The following HMBOX1 variants were observed in gnomAD, a reference collection of about 807,000 sequenced individuals.
HMBOX1 encodes the protein homeobox containing 1.
In HMBOX1, 14 loss-of-function variants were observed where a neutral mutation model predicts 54.5. That is an observed-to-expected ratio of 0.26 (90% confidence interval 0.17 to 0.40). The LOEUF is 0.40. Ranked by LOEUF, HMBOX1 falls within the 10% of genes least tolerant of loss-of-function variation. The pLI, the probability that HMBOX1 is intolerant of heterozygous loss-of-function variation, is 1.00. For missense variants in HMBOX1, 332 were observed against 514.4 expected, an observed-to-expected ratio of 0.65 and a Z score of 3.43; for synonymous variants, 160 against 181.0, an observed-to-expected ratio of 0.88 and a Z score of 0.93.
At chr8:28,993,799 T>C (rs1280667260) in intron 4 of HMBOX1, among the ~76,000 whole-genome samples, 1 of 152,210 alleles carries the variant, frequency 6.6e-6, no homozygotes, top group Non-Finnish European at 1.5e-5. Flanking sequence ...CAGGATTTTG[T>C]TGTTTTTGTC....
intron 3 of HMBOX1, among the ~76,000 whole-genome samples, chr8:28,972,831 C>A (rs1290090737): frequency 6.6e-6 from 1 of 152,110 alleles, no homozygotes; most frequent in African/African-American, 2.4e-5. Context: ...AAATGAAAAC[C>A]TATTTAGCAG....
chr8:29,037,410 A>C (rs1473612062), intron 6 of HMBOX1, among the ~76,000 whole-genome samples: 1 of 152,204 alleles, frequency 6.6e-6, no homozygotes, highest in Non-Finnish European at 1.5e-5. Flanking sequence ...CTTTATTTTC[A>C]AATAATGCTT....
intron 3 of HMBOX1, among the ~76,000 whole-genome samples, chr8:28,979,468 C>A (rs982780529): frequency 1.3e-5 from 2 of 152,096 alleles, no homozygotes; most frequent in Non-Finnish European, 2.9e-5. Context: ...CTTTTTAGTA[C>A]TAAAACTTTA....
chr8:29,019,114 T>A (rs998702668), intron 6 of HMBOX1, among the ~76,000 whole-genome samples: 13 of 152,322 alleles, frequency 8.5e-5, no homozygotes, highest in African/African-American at 3.1e-4. Flanking sequence ...GGAGTTAGCA[T>A]CTGTCAATTT....
At chr8:29,031,790 C>T (rs1803010143) in intron 6 of HMBOX1, among the ~76,000 whole-genome samples, 1 of 152,170 alleles carries the variant, frequency 6.6e-6, no homozygotes, top group Non-Finnish European at 1.5e-5. Context: ...CTAGCCCTGG[C>T]AGGCTCAGTC....
At chr8:28,944,336 T>A (rs1822015478) in intron 1 of HMBOX1, among the ~76,000 whole-genome samples, 1 of 152,208 alleles carries the variant, frequency 6.6e-6, no homozygotes, top group Admixed American at 6.5e-5. Context: ...ATACAGACAT[T>A]TGTTATGTTC....
chr8:28,953,979 C>T (rs1823968337), intron 1 of HMBOX1, among the ~76,000 whole-genome samples: 1 of 152,132 alleles, frequency 6.6e-6, no homozygotes, highest in East Asian at 1.9e-4. Flanking sequence ...TATCTTTGGT[C>T]AGTAGCACTG....
chr8:28,980,027 T>A, intron 3 of HMBOX1, 44 bp from the exon 4 acceptor site: 1 of 1,387,682 alleles, frequency 7.2e-7, no homozygotes, highest in Non-Finnish European at 1.0e-6. Context: ...TGAGGATTTC[T>A]ACCTTCAACA....
At position 28,960,780 on chromosome 8, in the gene HMBOX1, T is replaced by TTTTTTTTTTTTTTTTTTTG. The variant is rs1563473055; in HGVS notation, c.-57-3013_-57-3012insGTTTTTTTTTTTTTTTTTT. Among the ~76,000 whole-genome samples the TTTTTTTTTTTTTTTTTTTG allele has an allele frequency of 4.6e-5, 2 of 43,386 alleles. 1 individual carries two copies. Among genetic ancestry groups the TTTTTTTTTTTTTTTTTTTG allele is most frequent in the Non-Finnish European group, 1.0e-4 (2 of 19,894 alleles). 28.5% of individuals were successfully genotyped at this position (43,386 alleles called of 152,430 possible). A position where few individuals can be genotyped will look rare whatever the true frequency, so the allele number is the denominator to read the frequency against. On this transcript the variant is annotated intron_variant, in intron 1 of 9. Transcript: ENST00000287701. ...TTTTCTTTTTCTTTTTTTTTTTTTT[T>TTTTTTTTTTTTTTTTTTTG]TTTTTTTTTTTTTTTTTTTTTTTTG...
At chr8:28,897,546 C>T (rs1812391583) in intron 1 of HMBOX1, among the ~76,000 whole-genome samples, 1 of 152,076 alleles carries the variant, frequency 6.6e-6, no homozygotes, top group South Asian at 2.1e-4. Context: ...CGTGGTGGCA[C>T]ACACCTGTAC....
intron 6 of HMBOX1, among the ~76,000 whole-genome samples, chr8:29,028,304 T>C (rs1802391298): frequency 6.6e-6 from 1 of 152,222 alleles, no homozygotes; most frequent in Non-Finnish European, 1.5e-5. Flanking sequence ...ACCTGACATG[T>C]ATAAAATCTG....
At chr8:28,918,815 A>G (rs1479900382) in intron 1 of HMBOX1, among the ~76,000 whole-genome samples, 2 of 152,204 alleles carry the variant, frequency 1.3e-5, no homozygotes, top group African/African-American at 4.8e-5. Context: ...TGGAACATGA[A>G]TAAACACATA....
chr8:29,028,503 T>G (rs1290299664), intron 6 of HMBOX1, among the ~76,000 whole-genome samples: 1 of 152,218 alleles, frequency 6.6e-6, no homozygotes, highest in African/African-American at 2.4e-5. Flanking sequence ...AGTTTATTAG[T>G]ACATAGACTT....
intron 1 of HMBOX1, among the ~76,000 whole-genome samples, chr8:28,952,625 A>G (rs1243902723): frequency 6.6e-6 from 1 of 151,750 alleles, no homozygotes; most frequent in Non-Finnish European, 1.5e-5. Flanking sequence ...TTTAATCTTT[A>G]TCAGTCCAGC....
intron 1 of HMBOX1, among the ~76,000 whole-genome samples, chr8:28,922,374 G>A (rs546295956): frequency 6.6e-6 from 1 of 152,258 alleles, no homozygotes; most frequent in Non-Finnish European, 1.5e-5. Flanking sequence ...ACGGAGGGTG[G>A]TCCTGAAACC....
chr8:28,958,335 A>T (rs1326216887), intron 1 of HMBOX1, among the ~76,000 whole-genome samples: 1 of 152,192 alleles, frequency 6.6e-6, no homozygotes, highest in East Asian at 1.9e-4. Context: ...TCATTGACAA[A>T]AAGATATTTT....
chr8:28,940,773 C>T (rs1308349516), intron 1 of HMBOX1, among the ~76,000 whole-genome samples: 1 of 152,160 alleles, frequency 6.6e-6, no homozygotes, highest in Non-Finnish European at 1.5e-5. Context: ...ACCTGCCCTA[C>T]CTACTTAACA....
intron 1 of HMBOX1, among the ~76,000 whole-genome samples, chr8:28,953,925 T>C (rs964832279): frequency 2.6e-5 from 4 of 152,230 alleles, no homozygotes; most frequent in African/African-American, 9.6e-5. Context: ...TGCAGGCCTA[T>C]GCATATTTTG....
rs1447091906 is a variant in HMBOX1, at chr8:28,970,991, C to G, written c.500+472C>G. The stretch of plus-strand genomic sequence containing the variant: ...ATTTTAGCAATAGATGACACACACA[C>G]ACACACACACACACACACACACACA... On this transcript the variant is annotated intron_variant, in intron 3 of 9. Coordinates refer to ENST00000287701, the MANE Select transcript of HMBOX1 (RefSeq NM_001135726.3). This position sits in a 1 kb window ranked among gnomAD's most constrained non-coding sequence, Gnocchi z 4.3. Among the ~76,000 whole-genome samples, 1 of 125,878 alleles carries G rather than the reference C, an allele frequency of 7.9e-6. No homozygotes were observed. Among genetic ancestry groups the G allele is most frequent in the African/African-American group, 3.1e-5 (1 of 32,058 alleles). The allele number at this position is 125,878 out of a possible 152,430, so 82.6% of individuals were successfully genotyped here.
Sources: gnomAD v4.1 joint callset for allele counts (sites outside exome capture counted in the v4.1 genomes callset) on GRCh38, gnomAD v4.1.1 for gene constraint, Gnocchi (gnomAD v3.1) non-coding constraint, MANE v1.5 for transcripts, NCBI Gene and HGNC (gene_info 2026-07-23, HGNC 2026-07-21) for gene names.